Variants in SLC17A8 observed in about 807,000 individuals in gnomAD.
The protein encoded by SLC17A8 is solute carrier family 17 member 8, also known as vesicular glutamate transporter 3.
A neutral mutation model predicts 58.0 loss-of-function variants in SLC17A8; 31 were observed. The ratio of observed to expected loss-of-function variants is 0.53; its 90% CI spans 0.40 to 0.72. SLC17A8 has a LOEUF of 0.72. Among genes scored for constraint, SLC17A8 ranks in the 30% least tolerant of loss-of-function variants. SLC17A8 has a pLI of 0.00. For missense variants in SLC17A8, 655 were observed against 727.8 expected (o/e 0.90, Z 1.15); for synonymous variants, 228 against 249.0 (o/e 0.92, Z 0.79).
At chr12:100,377,495 C>T (rs1952602306) in intron 1 of SLC17A8, among the ~76,000 whole-genome samples, 1 of 149,538 alleles carries the variant, frequency 6.7e-6, no homozygotes, top group South Asian at 2.1e-4. Flanking sequence ...GGCGACTCAA[C>T]ATTCAAAGTA....
At chr12:100,418,223 T>A (rs1952921329) in intron 11 of SLC17A8, 67 bp downstream of exon 11, 1 of 1,601,968 alleles carries the variant, frequency 6.2e-7, no homozygotes, top group Admixed American at 1.7e-5. Flanking sequence ...AAACTTGAGA[T>A]TTCAAGGCTC....
In SLC17A8 at chr12:100,417,702, C is replaced by T. The variant is rs367912312; in HGVS notation, c.1298-327C>T. ...CTGTATGTGATTGTATGATTATTTA[C>T]TCTGAATAAATGTGATTCAGGCTTT... On this transcript the variant is annotated intron_variant, in intron 10 of 11. Transcript: ENST00000323346. Among the ~76,000 whole-genome samples, 48 of 152,326 alleles carry T rather than the reference C, an allele frequency of 3.2e-4. No individual in the cohort carries two copies. In the East Asian group the frequency reaches 7.0e-3, roughly 22 times the overall value.
intron 10 of SLC17A8, among the ~76,000 whole-genome samples, chr12:100,416,837 AT>A (rs997292122): frequency 5.3e-5 from 8 of 152,222 alleles, no homozygotes; most frequent in African/African-American, 1.9e-4. Flanking sequence ...AAGAATCGTT[AT>A]CCCGTTATGT....
At chr12:100,389,362 A>G (rs1003199188) in intron 2 of SLC17A8, among the ~76,000 whole-genome samples, 1 of 152,142 alleles carries the variant, frequency 6.6e-6, no homozygotes, top group African/African-American at 2.4e-5. Flanking sequence ...CACACATCCT[A>G]TGGATAGGTA....
intron 9 of SLC17A8, among the ~76,000 whole-genome samples, chr12:100,411,293 C>T (rs933463441): frequency 6.6e-6 from 1 of 152,050 alleles, no homozygotes; most frequent in Admixed American, 6.5e-5. Flanking sequence ...CCAGCCTGGC[C>T]AACATGGTGA....
intron 6 of SLC17A8, among the ~76,000 whole-genome samples, chr12:100,402,101 C>T (rs769519241): frequency 1.3e-5 from 2 of 152,084 alleles, no homozygotes; most frequent in Non-Finnish European, 2.9e-5. Context: ...CAACAAAATA[C>T]TTACCCCTAG....
chr12:100,364,932 C>G (rs1952509879), intron 1 of SLC17A8, among the ~76,000 whole-genome samples: 1 of 152,208 alleles, frequency 6.6e-6, no homozygotes, highest in Non-Finnish European at 1.5e-5. Context: ...GCAACATGCT[C>G]TAACATACCA....
rs575512783 is a variant in SLC17A8 at position 100,371,388 on chromosome 12, T to TA, written c.102-9305dup. Among the ~76,000 whole-genome samples the TA allele has an allele frequency of 2.8e-3, 424 of 152,034 alleles. 1 individual carries two copies. Among genetic ancestry groups the TA allele is most frequent in the Non-Finnish European group, 4.7e-3 (320 of 67,958 alleles). On this transcript the variant is annotated intron_variant, in intron 1 of 11. Coordinates refer to ENST00000323346, the MANE Select transcript of SLC17A8 (RefSeq NM_139319.3). ...CACTGCAATACTCCTCCAGAACCTTTAAAAAAAAGTCTCTGTAGGTAAAGC... is the reference window on the plus strand; with the variant it reads ...CACTGCAATACTCCTCCAGAACCTTTAAAAAAAAAGTCTCTGTAGGTAAAGC...
intron 10 of SLC17A8, among the ~76,000 whole-genome samples, chr12:100,416,820 A>C (rs543771020): frequency 1.3e-5 from 2 of 152,292 alleles, no homozygotes; most frequent in African/African-American, 4.8e-5. Context: ...TCCTACATCA[A>C]TTTTATAAGA....
intron 5 of SLC17A8, among the ~76,000 whole-genome samples, chr12:100,396,979 A>C (rs1952758575): frequency 6.6e-6 from 1 of 152,006 alleles, no homozygotes; most frequent in Non-Finnish European, 1.5e-5. Context: ...TGCTTATTCC[A>C]TCTGTCCCTT....
intron 1 of SLC17A8, among the ~76,000 whole-genome samples, chr12:100,366,987 A>C (rs3909792): frequency 0.68 from 102,686 of 152,050 alleles, 37,086 homozygotes; most frequent in East Asian, 0.99. Flanking sequence ...CCTCAGCCAG[A>C]AGAGGACAGC....
intron 9 of SLC17A8, among the ~76,000 whole-genome samples, chr12:100,412,175 T>C (rs1952873443): frequency 6.6e-6 from 1 of 152,124 alleles, no homozygotes; most frequent in Non-Finnish European, 1.5e-5. Flanking sequence ...TTGGAACCTA[T>C]TGGGACCGTG....
intron 1 of SLC17A8, among the ~76,000 whole-genome samples, chr12:100,370,545 C>T (rs1460135423): frequency 6.6e-6 from 1 of 151,354 alleles, no homozygotes; most frequent in Non-Finnish European, 1.5e-5. Context: ...GATCTGCATG[C>T]CTTGGCCTAC....
intron 1 of SLC17A8, among the ~76,000 whole-genome samples, chr12:100,365,432 C>T (rs1274575266): frequency 1.3e-5 from 2 of 152,128 alleles, no homozygotes; most frequent in African/African-American, 4.8e-5. Context: ...GCCCTAGTGG[C>T]AAGATCACCC....
rs569647385 is a variant in SLC17A8, at chr12:100,360,689, A to G, written c.101+3197A>G. On this transcript the variant is annotated intron_variant, in intron 1 of 11. Coordinates refer to ENST00000323346, the MANE Select transcript of SLC17A8 (RefSeq NM_139319.3). ...CTATAAATGGAAGAGCTAGGTTTCAAACCAGATGTTCTATGCCCATCATTC... is the reference window on the plus strand; with the variant it reads ...CTATAAATGGAAGAGCTAGGTTTCAGACCAGATGTTCTATGCCCATCATTC... Among the ~76,000 whole-genome samples, 3 of 152,328 alleles carry G rather than the reference A, an allele frequency of 2.0e-5. No individual in the cohort carries two copies. The East Asian group carries it at 5.8e-4, about 29-fold the overall frequency.
intron 9 of SLC17A8, among the ~76,000 whole-genome samples, chr12:100,411,627 T>C (rs1952868289): frequency 6.6e-6 from 1 of 152,216 alleles, no homozygotes; most frequent in Non-Finnish European, 1.5e-5. Flanking sequence ...TAATTGTCTC[T>C]TCCCCCTCCT....
intron 11 of SLC17A8, 58 bp from the exon 12 acceptor site, chr12:100,419,757 T>A: frequency 6.4e-7 from 1 of 1,552,334 alleles, no homozygotes; most frequent in Non-Finnish European, 8.8e-7. Context: ...CTCCAGGACA[T>A]ACTGGTAATC....
At chr12:100,419,023 A>C (rs749535481) in intron 11 of SLC17A8, among the ~76,000 whole-genome samples, 1 of 152,168 alleles carries the variant, frequency 6.6e-6, no homozygotes, top group Non-Finnish European at 1.5e-5. Context: ...TTTTTGACAT[A>C]CTTTTTTTTA....
At chr12:100,389,827 A>ATTATTATTATTATTATTG (rs1952702326) in intron 2 of SLC17A8, among the ~76,000 whole-genome samples, 1 of 149,628 alleles carries the variant, frequency 6.7e-6, no homozygotes, top group African/African-American at 2.4e-5. Context: ...TATTATTATT[A>ATTATTATTATTATTATTG]TTATTACTAT....
Sources: gnomAD v4.1 joint callset for allele counts (sites outside exome capture counted in the v4.1 genomes callset) on GRCh38, gnomAD v4.1.1 for gene constraint, MANE v1.5 for transcripts, NCBI Gene and HGNC (gene_info 2026-07-23, HGNC 2026-07-21) for gene names.